Variants in MACROD2 observed in about 807,000 individuals in gnomAD.
MACROD2 encodes ADP-ribose glycohydrolase MACROD2.
Under a neutral mutation model 70.4 loss-of-function variants are expected in MACROD2, and 36 were observed. The observed-to-expected ratio is 0.51, with a 90% CI of 0.39 to 0.68. The LOEUF (loss-of-function observed/expected upper bound fraction) is 0.68. Ranked by LOEUF, MACROD2 falls within the 30% of genes least tolerant of loss-of-function variation. The pLI is 0.00. For missense variants in MACROD2, 496 were observed against 538.4 expected (o/e 0.92, Z 0.78); for synonymous variants, 172 against 178.8 (o/e 0.96, Z 0.30).
chr20:14,714,108 T>G (rs2071369560), intron 5 of MACROD2, among the ~76,000 whole-genome samples: 1 of 152,106 alleles, frequency 6.6e-6, no homozygotes, highest in Non-Finnish European at 1.5e-5. Flanking sequence ...AAAAATAGGT[T>G]GGGCTCAGGT....
At chr20:15,819,402 T>G (rs1198724782) in intron 8 of MACROD2, among the ~76,000 whole-genome samples, 1 of 142,238 alleles carries the variant, frequency 7.0e-6, no homozygotes, top group Non-Finnish European at 1.5e-5. Flanking sequence ...ATATAAAATA[T>G]TTATATATAT....
intron 3 of MACROD2, among the ~76,000 whole-genome samples, chr20:14,455,914 T>C (rs2123000095): frequency 6.6e-6 from 1 of 151,900 alleles, no homozygotes; most frequent in South Asian, 2.1e-4. Flanking sequence ...ATGGTCTTCA[T>C]GTATCATCTA....
At chr20:15,423,155 A>C (rs1272689523) in intron 6 of MACROD2, among the ~76,000 whole-genome samples, 1 of 152,216 alleles carries the variant, frequency 6.6e-6, no homozygotes, top group East Asian at 1.9e-4. Context: ...TCAAAAACTC[A>C]GTAATGTGCA....
chr20:14,890,989 T>TCCTCCCTC (rs71190165), intron 5 of MACROD2, among the ~76,000 whole-genome samples: 8 of 69,992 alleles, frequency 1.1e-4, no homozygotes, highest in African/African-American at 4.3e-4. Flanking sequence ...CTTCCTTCCT[T>TCCTCCCTC]CCTCCCTCCC....
intron 3 of MACROD2, among the ~76,000 whole-genome samples, chr20:14,167,701 A>G (rs1230470727): frequency 6.6e-6 from 1 of 152,134 alleles, no homozygotes; most frequent in African/African-American, 2.4e-5. Context: ...AAATGTTTTT[A>G]TAATACTGAA....
Position 16,038,845 on chromosome 20 carries a change from T to C in MACROD2, c.1154-2356T>C, listed in dbSNP as rs2067270183. ...TTTTAATCTTCCTCCAGAGAAGATT[T>C]ACTTTTGCTTCTGACAGCAGAGCAC... On this transcript the variant is annotated intron_variant, in intron 15 of 17. Transcript: ENST00000684519. Among the ~76,000 whole-genome samples, 3 of 152,020 alleles carry C rather than the reference T, an allele frequency of 2.0e-5. No homozygotes were observed. In the South Asian group the frequency reaches 6.2e-4, roughly 32 times the overall value.
At chr20:14,481,218 A>T (rs1246925982) in intron 3 of MACROD2, among the ~76,000 whole-genome samples, 1 of 152,154 alleles carries the variant, frequency 6.6e-6, no homozygotes, top group East Asian at 1.9e-4. Context: ...TCATAAATCT[A>T]AATTTAGCTC....
chr20:14,914,277 T>C (rs2074063675), intron 5 of MACROD2, among the ~76,000 whole-genome samples: 1 of 152,150 alleles, frequency 6.6e-6, no homozygotes, highest in African/African-American at 2.4e-5. Flanking sequence ...TCAAGATTGT[T>C]CTGTTAAGCG....
intron 12 of MACROD2, among the ~76,000 whole-genome samples, chr20:15,942,376 A>G (rs1385467949): frequency 6.6e-6 from 1 of 152,210 alleles, no homozygotes; most frequent in Non-Finnish European, 1.5e-5. Flanking sequence ...ATGCATGCCA[A>G]AGATTTGGCA....
intron 5 of MACROD2, among the ~76,000 whole-genome samples, chr20:15,128,911 C>G (rs1038060157): frequency 1.3e-5 from 2 of 151,456 alleles, no homozygotes; most frequent in African/African-American, 4.9e-5. Flanking sequence ...GAGAGGATTA[C>G]AAAATAAAAT....
intron 8 of MACROD2, among the ~76,000 whole-genome samples, chr20:15,641,101 G>A (rs1279064817): frequency 6.6e-6 from 1 of 152,192 alleles, no homozygotes; most frequent in Non-Finnish European, 1.5e-5. Flanking sequence ...GAGTTTATTG[G>A]AGTTGCTGAT....
chr20:15,122,067 C>T (rs1365374704), intron 5 of MACROD2, among the ~76,000 whole-genome samples: 2 of 152,104 alleles, frequency 1.3e-5, no homozygotes, highest in Non-Finnish European at 2.9e-5. Context: ...TTTCTTAACA[C>T]ATTAATGATA....
At position 15,531,023 on chromosome 20, in the gene MACROD2, G is replaced by C. The variant is rs776693334; in HGVS notation, c.645+31176G>C. Reference sequence around the variant, plus strand: ...CGCTTTTTTTTTTTTTTTACAAATTGCTGGAGTTGTACATCGATGAGTTAA... The same window carrying C: ...CGCTTTTTTTTTTTTTTTACAAATTCCTGGAGTTGTACATCGATGAGTTAA... On this transcript the variant is annotated intron_variant, in intron 8 of 17. Coordinates refer to ENST00000684519, the MANE Select transcript of MACROD2 (RefSeq NM_001351661.2). Among the ~76,000 whole-genome samples the C allele has an allele frequency of 7.1e-4, 95 of 133,858 alleles. 3 individuals are homozygous for C. Among genetic ancestry groups the C allele is most frequent in the Admixed American group, 4.6e-4 (6 of 13,008 alleles). 87.8% of individuals were successfully genotyped at this position (133,858 alleles called of 152,430 possible).
At chr20:15,169,196 T>C (rs1380715076) in intron 5 of MACROD2, among the ~76,000 whole-genome samples, 1 of 152,114 alleles carries the variant, frequency 6.6e-6, no homozygotes, top group Non-Finnish European at 1.5e-5. Context: ...AAAAAGCAGC[T>C]CAGGAAGATG....
intron 5 of MACROD2, among the ~76,000 whole-genome samples, chr20:15,066,768 G>C (rs2123096323): frequency 6.6e-6 from 1 of 151,916 alleles, no homozygotes; most frequent in East Asian, 2.0e-4. Flanking sequence ...TGTAATTCCA[G>C]CTACTCAGGA....
chr20:14,276,798 G>A (rs1041450939), intron 3 of MACROD2, among the ~76,000 whole-genome samples: 2 of 152,098 alleles, frequency 1.3e-5, no homozygotes, highest in Admixed American at 1.3e-4. Context: ...CATCTGACAT[G>A]TTGTGCTGTT....
intron 5 of MACROD2, among the ~76,000 whole-genome samples, chr20:14,774,462 T>C (rs1354464628): frequency 6.6e-6 from 1 of 151,980 alleles, no homozygotes; most frequent in African/African-American, 2.4e-5. Context: ...CACCAGTGAG[T>C]AAGGGAACAG....
intron 3 of MACROD2, among the ~76,000 whole-genome samples, chr20:14,428,716 T>C (rs73092679): frequency 0.028 from 4,277 of 152,302 alleles, 91 homozygotes; most frequent in Non-Finnish European, 0.044. Flanking sequence ...CAGATACTTA[T>C]ATGAATTAAT....
intron 4 of MACROD2, among the ~76,000 whole-genome samples, chr20:14,572,968 A>G (rs1276385066): frequency 6.6e-6 from 1 of 151,742 alleles, no homozygotes. Flanking sequence ...GCTTGTTTAC[A>G]TGCACCTACT....
Sources: allele counts gnomAD v4.1 joint callset (sites outside exome capture counted in the v4.1 genomes callset), GRCh38; gene constraint gnomAD v4.1.1; transcripts MANE v1.5; gene names NCBI Gene and HGNC (gene_info 2026-07-23, HGNC 2026-07-21).